Variants in NDUFAF6 observed in about 807,000 individuals in gnomAD.
NDUFAF6 encodes NADH:ubiquinone oxidoreductase complex assembly factor 6.
NDUFAF6 carries 45 observed loss-of-function variants against 40.8 expected under a neutral mutation model. The ratio of observed to expected loss-of-function variants is 1.10; its 90% CI spans 0.87 to 1.42. NDUFAF6 has a LOEUF of 1.42. Ranked by LOEUF, NDUFAF6 falls within the 40% of genes most tolerant of loss-of-function variation. The pLI is 0.00. For missense variants in NDUFAF6, 435 were observed against 418.5 expected, an observed-to-expected ratio of 1.04 and a Z score of -0.34; for synonymous variants, 185 against 155.9, an observed-to-expected ratio of 1.19 and a Z score of -1.39.
At chr8:95,008,271 C>G (rs1300634897) in intron 2 of NDUFAF6, among the ~76,000 whole-genome samples, 5 of 152,196 alleles carry the variant, frequency 3.3e-5, no homozygotes, top group Non-Finnish European at 7.3e-5. Context: ...ATCATCAACT[C>G]TTACCCATTT....
At chr8:94,953,361 C>CAA (rs562800399), upstream of NDUFAF6, among the ~76,000 whole-genome samples, 1 of 144,490 alleles carries the variant, frequency 6.9e-6, no homozygotes, top group Admixed American at 6.9e-5. Context: ...AAAAAAAAAA[C>CAA]AAAAAAAAAA....
chr8:94,936,531 G>A (rs919438226), intron 1 of NDUFAF6, among the ~76,000 whole-genome samples: 3 of 152,124 alleles, frequency 2.0e-5, no homozygotes, highest in Non-Finnish European at 2.9e-5. Flanking sequence ...TCGGCTCTGT[G>A]GGCTGAACTG....
chr8:95,018,689 A>G (rs1249399072), intron 2 of NDUFAF6, among the ~76,000 whole-genome samples: 1 of 152,208 alleles, frequency 6.6e-6, no homozygotes, highest in Non-Finnish European at 1.5e-5. Context: ...AACTGATTGA[A>G]CTGATCTTGG....
upstream of NDUFAF6, among the ~76,000 whole-genome samples, chr8:95,098,284 G>A (rs571308687): frequency 1.3e-5 from 2 of 152,158 alleles, no homozygotes; most frequent in East Asian, 3.9e-4. Flanking sequence ...TGTAATCCCA[G>A]CACTTTGGGA....
intron 2 of NDUFAF6, among the ~76,000 whole-genome samples, chr8:95,088,811 A>G (rs913699403): frequency 4.6e-5 from 7 of 151,340 alleles, no homozygotes; most frequent in Non-Finnish European, 1.0e-4. Context: ...CCCAGACTGG[A>G]GTGCAGTGGC....
chr8:94,943,550 C>CG (rs763867986), intron 1 of NDUFAF6, among the ~76,000 whole-genome samples: 31 of 152,238 alleles, frequency 2.0e-4, no homozygotes, highest in Non-Finnish European at 2.9e-4. Context: ...CACTAATCAC[C>CG]ACCTCTTTTT....
At chr8:95,074,720 A>G (rs1490707554) in intron 9 of NDUFAF6, among the ~76,000 whole-genome samples, 2 of 151,782 alleles carry the variant, frequency 1.3e-5, no homozygotes, top group African/African-American at 4.8e-5. Flanking sequence ...TGTTTCTCAG[A>G]CTCATCTCTT....
chr8:95,052,791 T>A (rs1403293029), intron 8 of NDUFAF6, among the ~76,000 whole-genome samples: 1 of 152,152 alleles, frequency 6.6e-6, no homozygotes, highest in Non-Finnish European at 1.5e-5. Context: ...AGGAGGCCAG[T>A]TCCTAGGAGA....
intron 2 of NDUFAF6, chr8:94,984,163 A>G (rs779205396): frequency 6.6e-6 from 1 of 152,260 alleles, no homozygotes; most frequent in Non-Finnish European, 1.5e-5. Context: ...TTTAAATTGT[A>G]TTAAACATAC....
At chr8:94,989,798 G>C (rs1259635558) in intron 2 of NDUFAF6, among the ~76,000 whole-genome samples, 1 of 152,108 alleles carries the variant, frequency 6.6e-6, no homozygotes, top group South Asian at 2.1e-4. Flanking sequence ...GTGCAGTGGC[G>C]TTATCATGGC....
chr8:95,080,250 G>A (rs1309612682), downstream of NDUFAF6, among the ~76,000 whole-genome samples: 1 of 150,340 alleles, frequency 6.7e-6, no homozygotes, highest in East Asian at 1.9e-4. Flanking sequence ...TTTTTGTAGT[G>A]TATTTTTTGT....
chr8:95,037,013 T>G (rs1829581982), intron 3 of NDUFAF6, among the ~76,000 whole-genome samples: 1 of 152,228 alleles, frequency 6.6e-6, no homozygotes, highest in Non-Finnish European at 1.5e-5. Flanking sequence ...CTTGAGGAGA[T>G]TAAATAGAGG....
chr8:94,986,553 A>T (rs958566426), intron 2 of NDUFAF6, among the ~76,000 whole-genome samples: 1 of 152,238 alleles, frequency 6.6e-6, no homozygotes, highest in African/African-American at 2.4e-5. Context: ...CTGAACTGTC[A>T]ATTTCCATAA....
intron 2 of NDUFAF6, among the ~76,000 whole-genome samples, chr8:95,015,472 C>T (rs572246477): frequency 6.6e-6 from 1 of 152,248 alleles, no homozygotes; most frequent in African/African-American, 2.4e-5. Context: ...TTTTAATTTA[C>T]CCAGGGAACA....
intron 8 of NDUFAF6, among the ~76,000 whole-genome samples, chr8:95,052,802 A>T (rs1831595025): frequency 6.6e-6 from 1 of 152,082 alleles, no homozygotes; most frequent in African/African-American, 2.4e-5. Context: ...TCCTAGGAGA[A>T]TCTGTGATTT....
At chr8:94,995,407 C>T (rs996637001) in intron 2 of NDUFAF6, among the ~76,000 whole-genome samples, 2 of 152,144 alleles carry the variant, frequency 1.3e-5, no homozygotes, top group African/African-American at 4.8e-5. Context: ...CATTCATATA[C>T]TTAACATTCC....
chr8:95,081,952 G>C (rs1016247171), intron 2 of NDUFAF6, among the ~76,000 whole-genome samples: 3 of 152,184 alleles, frequency 2.0e-5, no homozygotes, highest in African/African-American at 7.2e-5. Context: ...TGTAATCCCA[G>C]CTATGGGAGG....
At chr8:95,031,489 G>A (rs1231263248) in intron 1 of NDUFAF6, among the ~76,000 whole-genome samples, 1 of 152,176 alleles carries the variant, frequency 6.6e-6, no homozygotes, top group East Asian at 1.9e-4. Context: ...TACTACATAA[G>A]TCATAGTAAA....
intron 2 of NDUFAF6, among the ~76,000 whole-genome samples, chr8:95,000,158 A>G (rs185111909): frequency 0.01 from 1,531 of 152,098 alleles, 26 homozygotes; most frequent in African/African-American, 0.035. Flanking sequence ...GCAACATGCC[A>G]AAACCCCATC....
Sources: allele counts gnomAD v4.1 joint callset (sites outside exome capture counted in the v4.1 genomes callset), GRCh38; gene constraint gnomAD v4.1.1; transcripts MANE v1.5; gene names NCBI Gene and HGNC (gene_info 2026-07-23, HGNC 2026-07-21).